ELAPOR2: variants seen among roughly 807,000 people sequenced by gnomAD.
The protein encoded by ELAPOR2 is endosome-lysosome associated apoptosis and autophagy regulator family member 2, also known as endosome/lysosome-associated apoptosis and autophagy regulator family member 2.
ELAPOR2 carries 89 observed loss-of-function variants against 120.7 expected under a neutral mutation model. The ratio of observed to expected loss-of-function variants is 0.74; its 90% CI spans 0.62 to 0.88. ELAPOR2 has a LOEUF of 0.88. Among genes scored for constraint, ELAPOR2 ranks in the 40% least tolerant of loss-of-function variants. The pLI, the probability that ELAPOR2 is intolerant of heterozygous loss-of-function variation, is 0.00. For missense variants in ELAPOR2, 1,134 were observed against 1,251.6 expected, an observed-to-expected ratio of 0.91 and a Z score of 1.42; for synonymous variants, 444 against 444.9, an observed-to-expected ratio of 1.00 and a Z score of 0.03.
chr7:86,923,695 A>T lies in ELAPOR2; in HGVS notation c.1399+1833T>A, dbSNP rs545599858. On this transcript the variant is annotated intron_variant, in intron 10 of 21. Coordinates refer to ENST00000450689, the MANE Select transcript of ELAPOR2 (RefSeq NM_001142749.3). ...AACTTTGCCAAATTGTTTTCTGTAC[A>T]ACTTGCACATAATGATTGCATAATA... Among the ~76,000 whole-genome samples, 118 of 152,220 alleles carry T rather than the reference A, an allele frequency of 7.8e-4. 1 individual carries two copies. The Middle Eastern group carries it at 0.01, about 13-fold the overall frequency.
chr7:86,951,339 A>G (rs543703935), intron 2 of ELAPOR2, among the ~76,000 whole-genome samples: 1 of 152,380 alleles, frequency 6.6e-6, no homozygotes, highest in Non-Finnish European at 1.5e-5. Flanking sequence ...TTGATTATCT[A>G]TAACTTAATA....
intron 1 of ELAPOR2, among the ~76,000 whole-genome samples, chr7:87,010,748 G>GA (rs1201040360): frequency 2.6e-5 from 4 of 150,984 alleles, no homozygotes; most frequent in Non-Finnish European, 5.9e-5. Flanking sequence ...ATAATGACAA[G>GA]AAAAAAATCC....
At chr7:86,896,737 G>T (rs535391112) in intron 19 of ELAPOR2, among the ~76,000 whole-genome samples, 1 of 152,084 alleles carries the variant, frequency 6.6e-6, no homozygotes, top group Non-Finnish European at 1.5e-5. Flanking sequence ...AGTGAAGCAG[G>T]CTCTCTCAAA....
At chr7:86,989,836 A>T (rs983424683) in intron 1 of ELAPOR2, among the ~76,000 whole-genome samples, 3 of 151,922 alleles carry the variant, frequency 2.0e-5, no homozygotes, top group African/African-American at 7.2e-5. Flanking sequence ...GAAAAAAATT[A>T]TAAGTCCCTA....
chr7:86,902,239 C>T (rs1057095171), intron 18 of ELAPOR2, among the ~76,000 whole-genome samples: 17 of 152,046 alleles, frequency 1.1e-4, no homozygotes, highest in Non-Finnish European at 1.6e-4. Flanking sequence ...TGCTATGGCG[C>T]GATCTCAGCT....
intron 2 of ELAPOR2, among the ~76,000 whole-genome samples, chr7:86,957,809 T>G (rs1436568014): frequency 6.6e-6 from 1 of 152,178 alleles, no homozygotes; most frequent in Non-Finnish European, 1.5e-5. Context: ...GTAAACTGAT[T>G]GTGCCTGTGA....
chr7:86,906,227 T>C (rs1396897732), intron 18 of ELAPOR2, among the ~76,000 whole-genome samples: 2 of 152,142 alleles, frequency 1.3e-5, no homozygotes, highest in Non-Finnish European at 2.9e-5. Context: ...CACACTCTTT[T>C]ATTGCTAGAA....
chr7:87,000,128 C>T (rs947342297), intron 1 of ELAPOR2, among the ~76,000 whole-genome samples: 1 of 152,132 alleles, frequency 6.6e-6, no homozygotes, highest in African/African-American at 2.4e-5. Context: ...CATCACACCC[C>T]TCTTTGTGAA....
chr7:87,006,019 C>T (rs908695458), intron 1 of ELAPOR2, among the ~76,000 whole-genome samples: 1 of 152,118 alleles, frequency 6.6e-6, no homozygotes, highest in Non-Finnish European at 1.5e-5. Flanking sequence ...TGAAAACATA[C>T]TTCTGGCAAA....
chr7:86,998,408 C>T (rs539748580), intron 1 of ELAPOR2, among the ~76,000 whole-genome samples: 1 of 152,268 alleles, frequency 6.6e-6, no homozygotes, highest in Non-Finnish European at 1.5e-5. Context: ...ATGAGGTTCA[C>T]CGATGTCAAG....
chr7:86,998,182 G>C (rs1373175618), intron 1 of ELAPOR2, among the ~76,000 whole-genome samples: 1 of 152,122 alleles, frequency 6.6e-6, no homozygotes, highest in Non-Finnish European at 1.5e-5. Context: ...GATGAATACA[G>C]AAAGTTCTGA....
intron 2 of ELAPOR2, among the ~76,000 whole-genome samples, chr7:86,948,334 G>T (rs1012987297): frequency 6.6e-6 from 1 of 152,210 alleles, no homozygotes; most frequent in Non-Finnish European, 1.5e-5. Context: ...TGGTCCTACA[G>T]TGCACTTGTT....
intron 1 of ELAPOR2, among the ~76,000 whole-genome samples, chr7:86,980,317 A>C (rs1024377): frequency 0.38 from 57,579 of 152,138 alleles, 11,750 homozygotes; most frequent in African/African-American, 0.53. Flanking sequence ...ATAGCACAAG[A>C]ACAATTCTGT....
intron 1 of ELAPOR2, among the ~76,000 whole-genome samples, chr7:86,975,565 G>A (rs1311025537): frequency 6.6e-6 from 1 of 152,094 alleles, no homozygotes; most frequent in African/African-American, 2.4e-5. Flanking sequence ...CTGTCTGCCT[G>A]GCATGGCTTT....
intron 12 of ELAPOR2, among the ~76,000 whole-genome samples, chr7:86,916,390 G>C (rs1789570219): frequency 6.6e-6 from 1 of 152,126 alleles, no homozygotes; most frequent in South Asian, 2.1e-4. Context: ...TGTCATTCTA[G>C]CTTAGAGTGT....
At chr7:87,033,264 G>T (rs1232343534) in intron 1 of ELAPOR2, among the ~76,000 whole-genome samples, 1 of 152,180 alleles carries the variant, frequency 6.6e-6, no homozygotes, top group East Asian at 1.9e-4. Flanking sequence ...GAAAGCAGAG[G>T]CATGGACTTC....
intron 1 of ELAPOR2, among the ~76,000 whole-genome samples, chr7:86,995,760 T>C (rs796454891): frequency 2.6e-5 from 4 of 152,286 alleles, no homozygotes; most frequent in African/African-American, 9.6e-5. Flanking sequence ...GAGGAGTCAT[T>C]AAAAGAAATT....
intron 8 of ELAPOR2, among the ~76,000 whole-genome samples, chr7:86,937,899 T>TA (rs1790633379): frequency 6.6e-6 from 1 of 151,922 alleles, no homozygotes; most frequent in South Asian, 2.1e-4. Context: ...ATTATACAAA[T>TA]AAAAAAATTG....
intron 1 of ELAPOR2, among the ~76,000 whole-genome samples, chr7:87,043,754 G>A (rs1794857968): frequency 6.6e-6 from 1 of 151,480 alleles, no homozygotes; most frequent in African/African-American, 2.4e-5. Flanking sequence ...TGGAAGTTCT[G>A]GCCAGGGCAA....
Sources: allele counts gnomAD v4.1 joint callset (sites outside exome capture counted in the v4.1 genomes callset), GRCh38; gene constraint gnomAD v4.1.1; transcripts MANE v1.5; gene names NCBI Gene and HGNC (gene_info 2026-07-23, HGNC 2026-07-21).